The following CAST variants were observed in gnomAD, a reference collection of about 807,000 sequenced individuals.
The protein encoded by CAST is MIR583 host.
In CAST, 76 loss-of-function variants were observed where a neutral mutation model predicts 119.6. That is an observed-to-expected ratio of 0.64 (90% confidence interval 0.53 to 0.77). The LOEUF is 0.77. Among genes scored for constraint, CAST ranks in the 30% least tolerant of loss-of-function variants. The probability of loss-of-function intolerance (pLI) is 0.00; values close to 1 mark genes in which losing one functional copy is unlikely to be tolerated. For missense variants in CAST, 953 were observed against 946.5 expected (o/e 1.01, Z -0.09); for synonymous variants, 319 against 331.6 (o/e 0.96, Z 0.41).
At position 96,532,086 on chromosome 5, in the gene CAST, T is replaced by C. The variant is rs138930384; in HGVS notation, c.60+2206T>C. Reference sequence around the variant, plus strand: ...TAGGCAACAAAGCAAGACCTCCCCATCTCAAAATAACGAAGTTAGACATGT... The same window carrying C: ...TAGGCAACAAAGCAAGACCTCCCCACCTCAAAATAACGAAGTTAGACATGT... On this transcript the variant is annotated intron_variant, in intron 1 of 11. Coordinates refer to the CAST transcript ENST00000505143. 4.0e-5 allele frequency among the ~76,000 whole-genome samples: 6 copies of C among 151,898 alleles called. No homozygotes were observed. The East Asian group carries it at 1.2e-3, about 30-fold the overall frequency.
At chr5:96,477,294 G>T in the CAST span, among the ~76,000 whole-genome samples, 1 of 138,364 alleles carries the variant, frequency 7.2e-6, no homozygotes, top group East Asian at 2.2e-4. Flanking sequence ...AGAGATATAT[G>T]CACGCACGCG....
At chr5:96,680,111 G>A (rs974342495) in intron 2 of CAST, among the ~76,000 whole-genome samples, 10 of 151,340 alleles carry the variant, frequency 6.6e-5, no homozygotes, top group African/African-American at 2.4e-4. Context: ...AGCACTTTGG[G>A]AGGCTGAGGT....
chr5:96,560,019 T>C (rs1746322971), intron 1 of CAST, among the ~76,000 whole-genome samples: 1 of 152,052 alleles, frequency 6.6e-6, no homozygotes, highest in Admixed American at 6.5e-5. Flanking sequence ...TATAGACCAA[T>C]GGAACAGAAT....
chr5:96,534,035 C>T (rs1217823560), intron 1 of CAST, among the ~76,000 whole-genome samples: 1 of 152,144 alleles, frequency 6.6e-6, no homozygotes, highest in Non-Finnish European at 1.5e-5. Flanking sequence ...AAAATATAAA[C>T]TTTCAAGCAG....
At chr5:96,623,501 A>G (rs1747660980) in intron 1 of CAST, among the ~76,000 whole-genome samples, 2 of 152,124 alleles carry the variant, frequency 1.3e-5, no homozygotes, top group Non-Finnish European at 2.9e-5. Flanking sequence ...ATTTTTCAGA[A>G]GGGGAGAGTG....
intron 1 of CAST, among the ~76,000 whole-genome samples, chr5:96,664,765 C>T (rs1054025992): frequency 2.0e-5 from 3 of 152,178 alleles, no homozygotes; most frequent in Admixed American, 1.3e-4. Context: ...TCCAATTTCC[C>T]TTGAGATACT....
chr5:96,641,997 A>G (rs899164123), intron 1 of CAST, among the ~76,000 whole-genome samples: 3 of 152,230 alleles, frequency 2.0e-5, no homozygotes, highest in Admixed American at 2.0e-4. Flanking sequence ...CTTTACTGCA[A>G]TCGAAAATGC....
chr5:96,407,543 A>G, the CAST span, among the ~76,000 whole-genome samples: 2 of 152,252 alleles, frequency 1.3e-5, no homozygotes, highest in Admixed American at 6.5e-5. Flanking sequence ...GTCAATATAT[A>G]TAAAAATCAT....
the CAST span, among the ~76,000 whole-genome samples, chr5:96,168,983 T>C: frequency 6.6e-6 from 1 of 152,096 alleles, no homozygotes; most frequent in Non-Finnish European, 1.5e-5. Context: ...CACGCAGACA[T>C]GAGGGCTAGG....
At chr5:96,373,033 C>A in the CAST span, among the ~76,000 whole-genome samples, 1 of 151,930 alleles carries the variant, frequency 6.6e-6, no homozygotes, top group Middle Eastern at 3.2e-3. Context: ...TGCTTTCTTT[C>A]TAATGAAAGA....
the CAST span, among the ~76,000 whole-genome samples, chr5:96,485,021 A>T: frequency 6.6e-6 from 1 of 152,204 alleles, no homozygotes; most frequent in East Asian, 1.9e-4. Context: ...TCTGAGCAGA[A>T]CTTCTACCAC....
chr5:96,705,832 C>T (rs1754859444), intron 3 of CAST, among the ~76,000 whole-genome samples: 1 of 152,086 alleles, frequency 6.6e-6, no homozygotes, highest in African/African-American at 2.4e-5. Flanking sequence ...CTGTTATGCT[C>T]GTTTTACAGA....
intron 28 of CAST, among the ~76,000 whole-genome samples, 157 bp downstream of exon 28, chr5:96,767,639 T>C: frequency 6.6e-6 from 1 of 152,206 alleles, no homozygotes. Context: ...TGTTTACCTC[T>C]CTTTTAGTCT....
chr5:96,325,033 C>T, the CAST span, among the ~76,000 whole-genome samples: 4 of 152,086 alleles, frequency 2.6e-5, no homozygotes, highest in East Asian at 1.9e-4. Flanking sequence ...GGTGAAACCT[C>T]GTCTCTACTA....
At chr5:96,011,303 T>C in the CAST span, among the ~76,000 whole-genome samples, 1 of 152,168 alleles carries the variant, frequency 6.6e-6, no homozygotes, top group Non-Finnish European at 1.5e-5. Context: ...CATGAAGAGA[T>C]AGAGAATACA....
At chr5:96,772,025 C>G in intron 31 of CAST, 1 of 189,380 alleles carries the variant, frequency 5.3e-6, no homozygotes, top group Non-Finnish European at 1.1e-5. Flanking sequence ...GTTATTGTGG[C>G]AAAGCAAAAT....
At chr5:96,692,015 A>C (rs958774423) in intron 2 of CAST, among the ~76,000 whole-genome samples, 6 of 152,216 alleles carry the variant, frequency 3.9e-5, no homozygotes, top group African/African-American at 1.2e-4. Context: ...CTGAACTACA[A>C]TAGATATACA....
At chr5:96,757,747 G>A (rs1047832417) in intron 24 of CAST, 93 bp downstream of exon 24, 46 of 811,082 alleles carry the variant, frequency 5.7e-5, no homozygotes, top group Non-Finnish European at 7.3e-5. Flanking sequence ...CGGGAGTACA[G>A]TGGTGCCATC....
At chr5:96,730,338 A>G (rs1760195363) in intron 8 of CAST, among the ~76,000 whole-genome samples, 1 of 152,234 alleles carries the variant, frequency 6.6e-6, no homozygotes, top group Non-Finnish European at 1.5e-5. Flanking sequence ...TACCACTTAA[A>G]TGCCACATGT....
Sources: gnomAD v4.1 joint callset for allele counts (sites outside exome capture counted in the v4.1 genomes callset) on GRCh38, gnomAD v4.1.1 for gene constraint, MANE v1.5 for transcripts, NCBI Gene and HGNC (gene_info 2026-07-23, HGNC 2026-07-21) for gene names.